Variants in SORCS3 observed in about 807,000 individuals in gnomAD.
SORCS3 encodes the protein sortilin related VPS10 domain containing receptor 3, also known as VPS10 domain-containing receptor SorCS3.
A neutral mutation model predicts 146.3 loss-of-function variants in SORCS3; 57 were observed. That is an observed-to-expected ratio of 0.39 (90% CI 0.31 to 0.49). The LOEUF (loss-of-function observed/expected upper bound fraction) is 0.49. Ranked by LOEUF, SORCS3 falls within the 20% of genes least tolerant of loss-of-function variation. The pLI, the probability that SORCS3 is intolerant of heterozygous loss-of-function variation, is 0.92. For synonymous variants in SORCS3, 653 were observed against 618.5 expected, an observed-to-expected ratio of 1.06 and a Z score of -0.83; for missense variants, 1,341 against 1,575.5, an observed-to-expected ratio of 0.85 and a Z score of 2.52.
In SORCS3 at chr10:104,832,288, A is replaced by G. The variant is rs376448962; in HGVS notation, c.628-10504A>G. Among the ~76,000 whole-genome samples the G allele has an allele frequency of 1.0e-3, 159 of 152,332 alleles. 5 individuals are homozygous for G. The South Asian group carries it at 0.032, about 31-fold the overall frequency. ...CATCATTCTCTTTGTCCTCATTATA[A>G]AACATCATCTCTGTTTCTCCTTGAC... On this transcript the variant is annotated intron_variant, in intron 1 of 26. Coordinates refer to ENST00000369701, the MANE Select transcript of SORCS3 (RefSeq NM_014978.3).
intron 4 of SORCS3, among the ~76,000 whole-genome samples, chr10:105,034,864 G>A (rs796244075): frequency 6.6e-6 from 1 of 152,290 alleles, no homozygotes; most frequent in African/African-American, 2.4e-5. Context: ...TAATTAAGGA[G>A]ACTTAAGTGG....
At chr10:104,894,920 A>C (rs975118583) in intron 2 of SORCS3, among the ~76,000 whole-genome samples, 5 of 152,188 alleles carry the variant, frequency 3.3e-5, no homozygotes, top group Non-Finnish European at 7.3e-5. Context: ...TGGGACAGGC[A>C]CTCATGGGAG....
rs115506171 is a variant in SORCS3, at chr10:104,839,477, C to T, written c.628-3315C>T. Among the ~76,000 whole-genome samples the T allele has an allele frequency of 7.0e-4, 106 of 152,190 alleles. 1 individual carries two copies. The highest frequency in any genetic ancestry group is 2.5e-3 in the African/African-American group (103 of 41,526). ...GAGATGTGAGGATGTGTTTGTCTTA[C>T]CTGAGGTACCTTGAAAAACTTAGAT... is the stretch of plus-strand genomic sequence containing the variant. On this transcript the variant is annotated intron_variant, in intron 1 of 26. Coordinates refer to ENST00000369701, the MANE Select transcript of SORCS3 (RefSeq NM_014978.3).
rs368750713 is a variant in SORCS3, at chr10:104,706,655, C to T, written c.627+64701C>T. On this transcript the variant is annotated intron_variant, in intron 1 of 26. Coordinates refer to ENST00000369701, the MANE Select transcript of SORCS3 (RefSeq NM_014978.3). The stretch of plus-strand genomic sequence containing the variant: ...GGGTGCGATGTATGCATCAGTGTCC[C>T]TCTCCTGGTATAGTCCCACTTCCCT... 7.9e-5 allele frequency among the ~76,000 whole-genome samples: 12 copies of T among 152,290 alleles called. No individual in the cohort carries two copies. The South Asian group carries it at 2.5e-3, about 32-fold the overall frequency.
chr10:105,025,061 C>T lies in SORCS3; in HGVS notation c.955-17994C>T, dbSNP rs140449739. ...TCTCATTTTTCCATTTCATCTCTGC[C>T]GGTGCTGGGACCAGACAGAAGGGTA... On this transcript the variant is annotated intron_variant, in intron 4 of 26. Coordinates refer to ENST00000369701, the MANE Select transcript of SORCS3 (RefSeq NM_014978.3). Among the ~76,000 whole-genome samples, 78 of 152,238 alleles carry T rather than the reference C, an allele frequency of 5.1e-4. 2 individuals are homozygous for T. In the East Asian group the frequency reaches 0.011, roughly 22 times the overall value.
At chr10:104,747,109 G>A (rs1197117409) in intron 1 of SORCS3, among the ~76,000 whole-genome samples, 1 of 152,210 alleles carries the variant, frequency 6.6e-6, no homozygotes. Context: ...TGAATGCCTA[G>A]ACTAATGATG....
chr10:105,150,716 C>A lies in SORCS3; in HGVS notation c.1482+2920C>A, dbSNP rs183059430. Among the ~76,000 whole-genome samples, 29 of 152,218 alleles carry A rather than the reference C, an allele frequency of 1.9e-4. No homozygotes were observed. The East Asian group carries it at 5.6e-3, about 29-fold the overall frequency. The stretch of plus-strand genomic sequence containing the variant: ...GTAATACCAAGTGAATAAATTGGAA[C>A]CTGATGTTATCTAGACCATGACCAT... On this transcript the variant is annotated intron_variant, in intron 9 of 26. Transcript: ENST00000369701.
At chr10:104,825,875 T>C (rs1036905805) in intron 1 of SORCS3, among the ~76,000 whole-genome samples, 1 of 152,176 alleles carries the variant, frequency 6.6e-6, no homozygotes, top group African/African-American at 2.4e-5. Context: ...AACCCCCCAC[T>C]ATTCAACAGC....
At chr10:105,214,757 G>A (rs1446934939) in intron 18 of SORCS3, 144 bp downstream of exon 18, 2 of 765,620 alleles carry the variant, frequency 2.6e-6, no homozygotes, top group South Asian at 2.0e-5. Context: ...GACAGACAAG[G>A]GTGAAAGAGG....
At chr10:104,679,681 G>A (rs1293904044) in intron 1 of SORCS3, among the ~76,000 whole-genome samples, 1 of 152,176 alleles carries the variant, frequency 6.6e-6, no homozygotes, top group Non-Finnish European at 1.5e-5. Flanking sequence ...TGTCAGTCAA[G>A]ACCTTCTTCT....
intron 5 of SORCS3, among the ~76,000 whole-genome samples, chr10:105,055,808 G>T (rs989285497): frequency 2.0e-5 from 3 of 151,968 alleles, no homozygotes. Flanking sequence ...TATTATACTT[G>T]CTAAAACTAC....
At chr10:104,758,462 G>A (rs1393344175) in intron 1 of SORCS3, among the ~76,000 whole-genome samples, 6 of 152,176 alleles carry the variant, frequency 3.9e-5, no homozygotes, top group Non-Finnish European at 1.5e-5. Flanking sequence ...GTATGGCACA[G>A]CCTTGAACCA....
At chr10:105,179,594 T>A (rs963881166) in intron 14 of SORCS3, among the ~76,000 whole-genome samples, 8 of 152,314 alleles carry the variant, frequency 5.3e-5, no homozygotes, top group African/African-American at 1.9e-4. Context: ...CAATTCAAGT[T>A]ACCTGTTTTC....
At chr10:105,245,031 T>G (rs1437950244) in intron 20 of SORCS3, among the ~76,000 whole-genome samples, 1 of 144,724 alleles carries the variant, frequency 6.9e-6, no homozygotes, top group Non-Finnish European at 1.5e-5. Flanking sequence ...ATCGCATCAT[T>G]GCACTGCAGC....
chr10:105,141,307 T>C (rs563769539), intron 8 of SORCS3, among the ~76,000 whole-genome samples: 1 of 152,276 alleles, frequency 6.6e-6, no homozygotes, highest in East Asian at 1.9e-4. Flanking sequence ...TTCTCATTAA[T>C]ATGAGGGCTG....
chr10:105,230,182 A>T (rs2056758671), intron 20 of SORCS3, among the ~76,000 whole-genome samples: 2 of 151,734 alleles, frequency 1.3e-5, no homozygotes, highest in Admixed American at 1.3e-4. Context: ...AGACCCTTGT[A>T]CTCTCAGATT....
chr10:104,961,308 C>A (rs1016413764), intron 3 of SORCS3, among the ~76,000 whole-genome samples: 1 of 152,144 alleles, frequency 6.6e-6, no homozygotes, highest in African/African-American at 2.4e-5. Context: ...TGTGCCAACT[C>A]ACATGTCTTC....
chr10:105,178,237 C>T (rs1051033611), intron 14 of SORCS3, 64 bp downstream of exon 14: 3 of 1,342,538 alleles, frequency 2.2e-6, no homozygotes, highest in African/African-American at 3.0e-5. Context: ...TTCATTGAGG[C>T]CTTGGATTTT....
intron 8 of SORCS3, among the ~76,000 whole-genome samples, chr10:105,141,430 T>C (rs753892734): frequency 6.6e-6 from 1 of 152,196 alleles, no homozygotes; most frequent in Non-Finnish European, 1.5e-5. Context: ...AGATTGGTTC[T>C]TTCCATTGTT....
Sources: gnomAD v4.1 joint callset for allele counts (sites outside exome capture counted in the v4.1 genomes callset) on GRCh38, gnomAD v4.1.1 for gene constraint, MANE v1.5 for transcripts, NCBI Gene and HGNC (gene_info 2026-07-23, HGNC 2026-07-21) for gene names.